SERF2: variants seen among roughly 807,000 people sequenced by gnomAD.
The protein encoded by SERF2 is small EDRK-rich factor 2, also known as gastric cancer-related protein VRG107.
Under a neutral mutation model 10.7 loss-of-function variants are expected in SERF2, and 4 were observed. The ratio of observed to expected loss-of-function variants is 0.37; its 90% CI spans 0.18 to 0.86. SERF2 has a LOEUF of 0.86. Among genes scored for constraint, SERF2 ranks in the 40% least tolerant of loss-of-function variants. The pLI is 0.43. For missense variants in SERF2, 47 were observed against 79.1 expected, an observed-to-expected ratio of 0.59 and a Z score of 1.54; for synonymous variants, 26 against 26.0, an observed-to-expected ratio of 1.00 and a Z score of 0.01.
In SERF2 at chr15:43,794,134, G is replaced by C; in HGVS notation, c.*361G>C. The C allele has an allele frequency of 3.1e-6, 2 of 651,778 alleles. No homozygotes were observed. The highest frequency in any genetic ancestry group is 2.1e-5 in the South Asian group (1 of 46,890). The allele number at this position is 651,778 out of a possible 1,614,324, so 40.4% of individuals were successfully genotyped here. On this transcript the variant is annotated 3_prime_UTR_variant, in exon 3 of 3. Coordinates refer to ENST00000249786, the MANE Select transcript of SERF2 (RefSeq NM_001018108.4). ...CCACCAAAAAAGGGAGAACTCTTTA[G>C]ATTCAGATTGTGGGTATGTAGACTT...
intron 1 of SERF2, among the ~76,000 whole-genome samples, chr15:43,785,216 C>T (rs1048657756): frequency 6.7e-6 from 1 of 149,260 alleles, no homozygotes; most frequent in Non-Finnish European, 1.5e-5. Flanking sequence ...TTACAGGCGC[C>T]CACCACCACA....
chr15:43,790,035 G>T (rs1460025293), upstream of SERF2, among the ~76,000 whole-genome samples: 1 of 151,942 alleles, frequency 6.6e-6, no homozygotes. Context: ...CCAGCTACTC[G>T]GGAAGCTGAG....
chr15:43,787,408 A>G (rs1331414297), upstream of SERF2, among the ~76,000 whole-genome samples: 6 of 150,874 alleles, frequency 4.0e-5, no homozygotes, highest in Non-Finnish European at 8.9e-5. Context: ...GAATTTTTTT[A>G]TTTTTTGAGA....
chr15:43,794,084 G>C lies in SERF2; in HGVS notation c.*311G>C. ...GTTTGACTGGGGACTTGGGGGGATG[G>C]GGTTGGAAGAATGACTGCCCTTTCC... On this transcript the variant is annotated 3_prime_UTR_variant, in exon 3 of 3. Coordinates refer to ENST00000249786, the MANE Select transcript of SERF2 (RefSeq NM_001018108.4). The C allele has an allele frequency of 9.1e-7, 1 of 1,094,542 alleles. No homozygotes were observed. Among genetic ancestry groups the C allele is most frequent in the Non-Finnish European group, 1.3e-6 (1 of 792,222 alleles). 67.8% of individuals were successfully genotyped at this position (1,094,542 alleles called of 1,614,324 possible).
chr15:43,787,669 A>C (rs1290998670), upstream of SERF2, among the ~76,000 whole-genome samples: 1 of 151,392 alleles, frequency 6.6e-6, no homozygotes, highest in Non-Finnish European at 1.5e-5. Context: ...AAATGCTGGG[A>C]TTATAGGCGT....
intron 1 of SERF2, among the ~76,000 whole-genome samples, chr15:43,778,581 CAAAAAAAAAAAAAAAAAAAAAAA>C (rs145368177): frequency 1.4e-4 from 4 of 28,934 alleles, no homozygotes; most frequent in African/African-American, 1.3e-4. Context: ...GATTCCATCT[CAAAAAAAAAAAAAAAAAAAAAAA>C]AAAAAAAAAA....
Position 43,795,320 on chromosome 15 carries a change from C to T in SERF2, c.*1547C>T. The T allele has an allele frequency of 6.2e-7, 1 of 1,600,846 alleles. No individual in the cohort carries two copies. Among genetic ancestry groups the T allele is most frequent in the Non-Finnish European group, 8.6e-7 (1 of 1,168,652 alleles). On this transcript the variant is annotated 3_prime_UTR_variant, in exon 3 of 3. Coordinates refer to ENST00000249786, the MANE Select transcript of SERF2 (RefSeq NM_001018108.4). ...GCAGACCCATGTGTGTCTGGAATGG[C>T]CTTGAATTGCTCTTTCCTTAAAATA...
Position 43,792,325 on chromosome 15 carries a change from C to T in SERF2, c.-52C>T. ...CCAGAAGGGGCGGGACCTGCAACGT[C>T]CGACAGAACGAGGGGACGTAACGGA... On this transcript the variant is annotated 5_prime_UTR_variant, in exon 1 of 3. Transcript: ENST00000249786. 2 of 1,491,016 alleles carry T rather than the reference C, an allele frequency of 1.3e-6. No homozygotes were observed. The highest frequency in any genetic ancestry group is 1.9e-6 in the Non-Finnish European group (2 of 1,067,692). The allele number at this position is 1,491,016 out of a possible 1,614,324, so 92.4% of individuals were successfully genotyped here.
chr15:43,789,056 G>C (rs987454167), upstream of SERF2, among the ~76,000 whole-genome samples: 1 of 151,888 alleles, frequency 6.6e-6, no homozygotes, highest in African/African-American at 2.4e-5. Flanking sequence ...GGCTGAGCCA[G>C]GAGAATGGCG....
At position 43,795,648 on chromosome 15, in the gene SERF2, G is replaced by C; in HGVS notation, c.*1875G>C. On this transcript the variant is annotated 3_prime_UTR_variant, in exon 3 of 3. Coordinates refer to ENST00000249786, the MANE Select transcript of SERF2 (RefSeq NM_001018108.4). ...TTGAGGGTTCTTATGGCACTCCACA[G>C]AGATCTACCACTTCTTATGGTTCCT... is the stretch of plus-strand genomic sequence containing the variant. 1 of 1,611,788 alleles carries C rather than the reference G, an allele frequency of 6.2e-7. No individual in the cohort carries two copies. The highest frequency in any genetic ancestry group is 8.5e-7 in the Non-Finnish European group (1 of 1,178,354).
upstream of SERF2, among the ~76,000 whole-genome samples, chr15:43,788,368 G>C (rs997662960): frequency 6.7e-6 from 1 of 150,316 alleles, no homozygotes; most frequent in African/African-American, 2.5e-5. Context: ...CCTCGTGATC[G>C]GCCCGCCTCG....
At chr15:43,783,522 G>A (rs769360630) in intron 1 of SERF2, among the ~76,000 whole-genome samples, 2 of 147,238 alleles carry the variant, frequency 1.4e-5, no homozygotes, top group Non-Finnish European at 3.0e-5. Context: ...GGCTGGTCTC[G>A]AACTCCTGGC....
chr15:43,779,427 C>G (rs2086948533), intron 1 of SERF2, among the ~76,000 whole-genome samples: 1 of 152,088 alleles, frequency 6.6e-6, no homozygotes, highest in Non-Finnish European at 1.5e-5. Flanking sequence ...GATTCTAAAC[C>G]TAGGCCTACA....
chr15:43,793,931 C>T lies in SERF2; in HGVS notation c.*158C>T. The stretch of plus-strand genomic sequence containing the variant: ...GCGGGTCCCTTTTGTGCTTCCTTCC[C>T]CTCAGGTAGCCTCTCTCCCCCTGGG... On this transcript the variant is annotated 3_prime_UTR_variant, in exon 3 of 3. Transcript: ENST00000249786. 1 of 1,557,448 alleles carries T rather than the reference C, an allele frequency of 6.4e-7. No individual in the cohort carries two copies. Among genetic ancestry groups the T allele is most frequent in the South Asian group, 1.2e-5 (1 of 85,714 alleles).
chr15:43,793,191 G>A, intron 2 of SERF2, 108 bp downstream of exon 2: 7 of 691,000 alleles, frequency 1.0e-5, no homozygotes, highest in Non-Finnish European at 1.3e-5. Flanking sequence ...TAGTCGTGAG[G>A]AGCAGAGTGC....
At chr15:43,787,376 T>A (rs889630111), upstream of SERF2, among the ~76,000 whole-genome samples, 2 of 152,132 alleles carry the variant, frequency 1.3e-5, no homozygotes, top group Admixed American at 1.3e-4. Context: ...GTACCACTCT[T>A]GGAGTATAGG....
intron 1 of SERF2, among the ~76,000 whole-genome samples, chr15:43,779,920 T>C (rs2086951385): frequency 6.6e-6 from 1 of 152,212 alleles, no homozygotes; most frequent in African/African-American, 2.4e-5. Context: ...ATAACAGATA[T>C]TTTCATTTTA....
upstream of SERF2, among the ~76,000 whole-genome samples, chr15:43,791,484 C>T (rs2087060324): frequency 6.6e-6 from 1 of 152,148 alleles, no homozygotes; most frequent in Non-Finnish European, 1.5e-5. Flanking sequence ...ATCTGCCCAC[C>T]TCAGCCTCCC....
Position 43,795,914 on chromosome 15 carries a change from G to A in SERF2, c.*2141G>A, listed in dbSNP as rs1303948944. ...ACTTTGGTAAGATGTTTAATCTTTTGTGCCTCGATTTCTCCATTTGTAAAA... is the reference window on the plus strand; with the variant it reads ...ACTTTGGTAAGATGTTTAATCTTTTATGCCTCGATTTCTCCATTTGTAAAA... On this transcript the variant is annotated 3_prime_UTR_variant, in exon 3 of 3. Coordinates refer to ENST00000249786, the MANE Select transcript of SERF2 (RefSeq NM_001018108.4). 4.5e-6 allele frequency: 3 copies of A among 672,310 alleles called. No individual in the cohort carries two copies. The highest frequency in any genetic ancestry group is 2.5e-4 in the Middle Eastern group (1 of 3,958). 41.6% of individuals were successfully genotyped at this position (672,310 alleles called of 1,614,324 possible). A position where few individuals can be genotyped will look rare whatever the true frequency, so the allele number is the denominator to read the frequency against.
Sources: allele counts gnomAD v4.1 joint callset (sites outside exome capture counted in the v4.1 genomes callset), GRCh38; gene constraint gnomAD v4.1.1; transcripts MANE v1.5; gene names NCBI Gene and HGNC (gene_info 2026-07-23, HGNC 2026-07-21).